The following LRP1B variants were observed in gnomAD, a reference collection of about 807,000 sequenced individuals.
The protein encoded by LRP1B is LDL receptor related protein 1B.
A neutral mutation model predicts 556.6 loss-of-function variants in LRP1B; 217 were observed. That is an observed-to-expected ratio of 0.39 (90% CI 0.35 to 0.44). The LOEUF is 0.44. Among genes scored for constraint, LRP1B ranks in the 20% least tolerant of loss-of-function variants. LRP1B has a pLI of 1.00. For missense variants in LRP1B, 5,053 were observed against 5,620.8 expected (o/e 0.90, Z 3.23); for synonymous variants, 2,047 against 1,865.8 (o/e 1.10, Z -2.50).
intron 29 of LRP1B, among the ~76,000 whole-genome samples, chr2:140,846,777 T>C (rs1692286737): frequency 6.6e-6 from 1 of 152,096 alleles, no homozygotes; most frequent in African/African-American, 2.4e-5. Context: ...GAGAAAGGTT[T>C]CCACAGAGTC....
chr2:140,569,014 G>A (rs984144146), intron 43 of LRP1B, among the ~76,000 whole-genome samples: 1 of 151,772 alleles, frequency 6.6e-6, no homozygotes, highest in Non-Finnish European at 1.5e-5. Context: ...GAAGCAAAAG[G>A]ATAATCTACA....
intron 7 of LRP1B, among the ~76,000 whole-genome samples, chr2:141,139,781 ATGTGTGTGTGTGTGTGTG>A (rs58413685): frequency 2.0e-5 from 3 of 148,036 alleles, no homozygotes; most frequent in Non-Finnish European, 4.5e-5. Flanking sequence ...CATTGGAAAA[ATGTGTGTGTGTGTGTGTG>A]TGTGTGTGTG....
intron 3 of LRP1B, among the ~76,000 whole-genome samples, chr2:141,341,145 T>C (rs1253017953): frequency 1.3e-5 from 2 of 152,200 alleles, no homozygotes; most frequent in Admixed American, 1.3e-4. Flanking sequence ...ATATCTCCCT[T>C]GTACATTTTA....
chr2:141,905,467 T>C (rs1382590552), intron 1 of LRP1B, among the ~76,000 whole-genome samples: 2 of 151,850 alleles, frequency 1.3e-5, no homozygotes, highest in African/African-American at 4.8e-5. Context: ...ACTTTTTTTT[T>C]CAAGTTATAA....
intron 31 of LRP1B, among the ~76,000 whole-genome samples, chr2:140,818,179 G>A (rs1052363173): frequency 1.8e-4 from 27 of 152,256 alleles, no homozygotes; most frequent in African/African-American, 6.5e-4. Flanking sequence ...GAATGGTAGA[G>A]ATGTAGATAT....
chr2:141,983,177 G>A (rs1418341107), intron 1 of LRP1B, among the ~76,000 whole-genome samples: 2 of 51,402 alleles, frequency 3.9e-5, no homozygotes, highest in Non-Finnish European at 7.7e-5. Context: ...ATGGACAGAA[G>A]TAGAAAAAAT....
chr2:140,560,498 T>G (rs765528048), intron 43 of LRP1B, among the ~76,000 whole-genome samples: 1 of 152,162 alleles, frequency 6.6e-6, no homozygotes, highest in Non-Finnish European at 1.5e-5. Context: ...CAGCCTAACA[T>G]TATTTTAAAA....
At chr2:141,269,906 AG>A (rs1173997952) in intron 3 of LRP1B, among the ~76,000 whole-genome samples, 1 of 152,132 alleles carries the variant, frequency 6.6e-6, no homozygotes, top group Non-Finnish European at 1.5e-5. Context: ...AAATAAGTAA[AG>A]GAATGATATG....
chr2:140,328,527 G>A (rs563663790), intron 79 of LRP1B, among the ~76,000 whole-genome samples: 9 of 151,780 alleles, frequency 5.9e-5, no homozygotes, highest in African/African-American at 2.2e-4. Flanking sequence ...AATGACCACA[G>A]TATTAAGAGG....
At position 141,368,769 on chromosome 2, in the gene LRP1B, A is replaced by G. The variant is rs368840576; in HGVS notation, c.343+111627T>C. On this transcript the variant is annotated intron_variant, in intron 3 of 90. Coordinates refer to ENST00000389484, the MANE Select transcript of LRP1B (RefSeq NM_018557.3). The stretch of plus-strand genomic sequence containing the variant: ...TAAAACCATAGATATCAATTTAGAA[A>G]GCTATTATGTAAGAATAGGTGAATC... Among the ~76,000 whole-genome samples the G allele has an allele frequency of 2.4e-4, 37 of 152,354 alleles. No individual in the cohort carries two copies. In the East Asian group the frequency reaches 4.2e-3, roughly 17 times the overall value.
In LRP1B at chr2:141,647,217, G is replaced by T. The variant is rs189603901; in HGVS notation, c.205+163062C>A. On this transcript the variant is annotated intron_variant, in intron 2 of 90. Transcript: ENST00000389484. ...TTCTTTCCACATTCCTTTGCAGCTA[G>T]ATTGGAACCATAAAATGGCATTCTA... Among the ~76,000 whole-genome samples, 8 of 152,282 alleles carry T rather than the reference G, an allele frequency of 5.3e-5. No homozygotes were observed. In the East Asian group the frequency reaches 1.2e-3, roughly 22 times the overall value.
intron 3 of LRP1B, among the ~76,000 whole-genome samples, chr2:141,327,895 A>AGC (rs1467651197): frequency 2.6e-5 from 4 of 152,160 alleles, no homozygotes; most frequent in Non-Finnish European, 4.4e-5. Context: ...AGAGAGAGAG[A>AGC]GAGAGACAGA....
chr2:141,937,870 T>TCAAAATCAAC (rs1700682915), intron 1 of LRP1B, among the ~76,000 whole-genome samples: 1 of 152,142 alleles, frequency 6.6e-6, no homozygotes, highest in South Asian at 2.1e-4. Context: ...TTTTTGTGGA[T>TCAAAATCAAC]TGTGTAAGAT....
At chr2:141,222,387 A>G (rs1683082596) in intron 6 of LRP1B, among the ~76,000 whole-genome samples, 1 of 152,106 alleles carries the variant, frequency 6.6e-6, no homozygotes, top group South Asian at 2.1e-4. Flanking sequence ...GACACTAATA[A>G]ATAGCCTACC....
intron 2 of LRP1B, among the ~76,000 whole-genome samples, chr2:141,678,328 T>C (rs1690966002): frequency 6.6e-6 from 1 of 151,992 alleles, no homozygotes; most frequent in Non-Finnish European, 1.5e-5. Context: ...CAAATAGCCA[T>C]AATATAAGGG....
intron 23 of LRP1B, among the ~76,000 whole-genome samples, chr2:140,901,674 A>G (rs1028929298): frequency 2.0e-5 from 3 of 152,220 alleles, no homozygotes; most frequent in Non-Finnish European, 2.9e-5. Context: ...GTGCAAAAAC[A>G]ATAAGAATAA....
chr2:140,799,637 C>T lies in LRP1B; in HGVS notation c.5359+14020G>A, dbSNP rs147256962. Among the ~76,000 whole-genome samples, 867 of 152,280 alleles carry T rather than the reference C, an allele frequency of 5.7e-3. 17 individuals carry two copies. Among genetic ancestry groups the T allele is most frequent in the Admixed American group, 0.028 (429 of 15,294 alleles). ...ATTTTTCCCCAGACTTATGCAATTA[C>T]AAATACCACTGCAAAGGACAATGTT... On this transcript the variant is annotated intron_variant, in intron 32 of 90. Coordinates refer to ENST00000389484, the MANE Select transcript of LRP1B (RefSeq NM_018557.3).
intron 72 of LRP1B, among the ~76,000 whole-genome samples, chr2:140,361,016 A>T (rs533813848): frequency 6.6e-6 from 1 of 151,428 alleles, no homozygotes; most frequent in African/African-American, 2.4e-5. Context: ...ATTCTAGCTC[A>T]TCGATGTAAC....
At chr2:141,467,842 G>GC in intron 3 of LRP1B, among the ~76,000 whole-genome samples, 1 of 144,788 alleles carries the variant, frequency 6.9e-6, no homozygotes, top group Non-Finnish European at 1.5e-5. Context: ...TGCGGACCGG[G>GC]GGGGGGGGAA....
Sources: allele counts gnomAD v4.1 joint callset (sites outside exome capture counted in the v4.1 genomes callset), GRCh38; gene constraint gnomAD v4.1.1; transcripts MANE v1.5; gene names NCBI Gene and HGNC (gene_info 2026-07-23, HGNC 2026-07-21).